The following PLPPR3 variants were observed in gnomAD, a reference collection of about 807,000 sequenced individuals.
PLPPR3 encodes phospholipid phosphatase related 3.
PLPPR3 carries 14 observed loss-of-function variants against 27.3 expected under a neutral mutation model. The ratio of observed to expected loss-of-function variants is 0.51; its 90% confidence interval spans 0.34 to 0.80. The LOEUF is 0.80. Among genes scored for constraint, PLPPR3 ranks in the 30% least tolerant of loss-of-function variants. The probability of loss-of-function intolerance (pLI) is 0.01; values close to 1 mark genes in which losing one functional copy is unlikely to be tolerated. For missense variants in PLPPR3, 1,287 were observed against 1,056.9 expected (o/e 1.22, Z -3.02); for synonymous variants, 671 against 508.0 (o/e 1.32, Z -4.32).
chr19:818,913 C>G (rs1317723013), intron 2 of PLPPR3, among the ~76,000 whole-genome samples: 1 of 151,132 alleles, frequency 6.6e-6, no homozygotes, highest in Non-Finnish European at 1.5e-5. Flanking sequence ...CCTGCCTCAG[C>G]CTCCCAAAGC....
chr19:821,345 C>T, intron 2 of PLPPR3, 140 bp downstream of exon 2: 2 of 579,334 alleles, frequency 3.5e-6, no homozygotes, highest in Non-Finnish European at 5.6e-6. Context: ...CACCCCCCAT[C>T]CGCCGGACAC....
intron 2 of PLPPR3, 22 bp from the exon 3 acceptor site, chr19:815,873 G>C: frequency 6.2e-7 from 1 of 1,608,764 alleles, no homozygotes. Context: ...AGGTGGGCCA[G>C]GTTCACCCTG....
intron 2 of PLPPR3, among the ~76,000 whole-genome samples, chr19:818,964 A>G (rs879712365): frequency 1.7e-5 from 1 of 58,944 alleles, no homozygotes; most frequent in East Asian, 4.4e-4. Flanking sequence ...CGGCCTTATT[A>G]TTATTATTTT....
Position 815,232 on chromosome 19 carries a change from G to A in PLPPR3, c.357C>T (p.Gly119=), listed in dbSNP as rs367862879. The change falls in exon 4 of 8, where the codon GGC becomes GGT. Residue 119 remains glycine, a synonymous_variant. Transcript: ENST00000520876. ...PAGAEGSINA[G]GCNFNSFLRR... ...GCAGGAAGGAGTTGAAGTTGCAGCC[G>A]CCGGCGTTGATGCTGCCCTCCGCCC... The A allele has an allele frequency of 1.1e-5, 17 of 1,591,670 alleles. No homozygotes were observed. Among genetic ancestry groups the A allele is most frequent in the East Asian group, 2.3e-5 (1 of 43,414 alleles).
At position 814,216 on chromosome 19, in the gene PLPPR3, C is replaced by G. The variant is rs371719241; in HGVS notation, c.831+218G>C. Among the ~76,000 whole-genome samples the G allele has an allele frequency of 4.7e-5, 7 of 150,350 alleles. No homozygotes were observed. The East Asian group carries it at 7.9e-4, about 17-fold the overall frequency. ...CCCTAGAGCCCCTGGGCACCCATGCCTCCCCCCTCAGACCCTCTGGGCCAG... is the reference window on the plus strand; with the variant it reads ...CCCTAGAGCCCCTGGGCACCCATGCGTCCCCCCTCAGACCCTCTGGGCCAG... On this transcript the variant is annotated intron_variant, in intron 7 of 7. Transcript: ENST00000520876.
intron 2 of PLPPR3, among the ~76,000 whole-genome samples, chr19:819,838 G>A (rs1402756125): frequency 6.6e-6 from 1 of 152,018 alleles, no homozygotes. Flanking sequence ...TGCAAGGATG[G>A]ATTAAAGTTA....
In PLPPR3 at chr19:812,902, CG is replaced by C; in HGVS notation, c.1824del (p.Gly609AlafsTer133). ...GGAPWEWKAAGGGAKAEADGG... is the reference protein window; with the variant it reads ...GGAPWEWKAAXGGAKAEADGG... ...CCGTCGGCCTCCGCCTTGGCCCCGC[CG>C]CCCGCCGCCTTCCACTCCCAGGGCG... On this transcript the variant is annotated frameshift_variant, in exon 8 of 8. Coordinates refer to ENST00000520876, the MANE Select transcript of PLPPR3 (RefSeq NM_001270366.2). LOFTEE classifies it low-confidence loss of function (END_TRUNC). 1 of 1,281,200 alleles carries C rather than the reference CG, an allele frequency of 7.8e-7. No homozygotes were observed. The highest frequency in any genetic ancestry group is 1.7e-5 in the South Asian group (1 of 60,110). 79.4% of individuals were successfully genotyped at this position (1,281,200 alleles called of 1,614,324 possible).
At position 814,804 on chromosome 19, in the gene PLPPR3, G is replaced by A. The variant is rs980606131; in HGVS notation, c.600-55C>T. ...CCACCTGGGGACCCCAGCTCCAGTG[G>A]CCTCTCTGTGTCTCTGTTTCCCCGC... is the stretch of plus-strand genomic sequence containing the variant. On this transcript the variant is annotated intron_variant, in intron 5 of 7. Transcript: ENST00000520876. The A allele has an allele frequency of 2.7e-5, 42 of 1,562,632 alleles. No homozygotes were observed. In the African/African-American group the frequency reaches 4.8e-4, roughly 18 times the overall value.
chr19:816,799 A>C (rs2035068924), intron 2 of PLPPR3, among the ~76,000 whole-genome samples: 1 of 115,752 alleles, frequency 8.6e-6, no homozygotes, highest in African/African-American at 4.0e-5. Context: ...CATGCACCCA[A>C]CAGTACCCAT....
At chr19:821,662 G>T in intron 1 of PLPPR3, 77 bp from the exon 2 acceptor site, 1 of 764,800 alleles carries the variant, frequency 1.3e-6, no homozygotes, top group Non-Finnish European at 1.9e-6. Flanking sequence ...GCGCCGGCGG[G>T]GGAGGGGCGG....
At position 812,817 on chromosome 19, in the gene PLPPR3, A is replaced by T. The variant is rs1410049490; in HGVS notation, c.1910T>A (p.Val637Glu). Residue 637 changes from valine to glutamate, a missense_variant, in exon 8 of 8, where the codon GTG becomes GAG. By Grantham distance (121) the Val-to-Glu change is moderately radical. Coordinates refer to ENST00000520876, the MANE Select transcript of PLPPR3 (RefSeq NM_001270366.2). ...GTCGCTGACCGACGAGCCGGGGGAC[A>T]CGCCCGGGGGCTTGGCCCCGCCGCG... is the stretch of plus-strand genomic sequence containing the variant. ...GFRGGAKPPG[V>E]SPGSSVSDVD... The T allele has an allele frequency of 4.5e-6, 5 of 1,100,000 alleles. No individual in the cohort carries two copies. Among genetic ancestry groups the T allele is most frequent in the Non-Finnish European group, 5.5e-6 (5 of 902,970 alleles). 68.1% of individuals were successfully genotyped at this position (1,100,000 alleles called of 1,614,324 possible). A position where few individuals can be genotyped will look rare whatever the true frequency, so the allele number is the denominator to read the frequency against.
rs894239891 is a variant in PLPPR3 at position 813,383 on chromosome 19, GTCCTCCTCCTCT to G, written c.1332_1343del (p.Glu444_Glu447del). On this transcript the variant is annotated inframe_deletion, in exon 8 of 8. Coordinates refer to ENST00000520876, the MANE Select transcript of PLPPR3 (RefSeq NM_001270366.2). This position sits in a 1 kb window ranked among gnomAD's most constrained non-coding sequence, Gnocchi z 4.1. Reference sequence around the variant, plus strand: ...CTTCCTCCTCCTCCTCTTCCTCTTCGTCCTCCTCCTCTTCCTCCTCCTCCGCCATGGGTTCGG... The same window carrying G: ...CTTCCTCCTCCTCCTCTTCCTCTTCGTCCTCCTCCTCCGCCATGGGTTCGG... 47 of 1,497,498 alleles carry G rather than the reference GTCCTCCTCCTCT, an allele frequency of 3.1e-5. No homozygotes were observed. Among genetic ancestry groups the G allele is most frequent in the Middle Eastern group, 2.1e-4 (1 of 4,746 alleles). 92.8% of individuals were successfully genotyped at this position (1,497,498 alleles called of 1,614,324 possible). A position where few individuals can be genotyped will look rare whatever the true frequency, so the allele number is the denominator to read the frequency against.
chr19:817,604 T>C (rs1041388761), intron 2 of PLPPR3, among the ~76,000 whole-genome samples: 9 of 152,284 alleles, frequency 5.9e-5, no homozygotes, highest in African/African-American at 1.7e-4. Flanking sequence ...TGCCTTGTTA[T>C]GGCATCTTAG....
At chr19:822,525 C>T (rs1338589105), upstream of PLPPR3, among the ~76,000 whole-genome samples, 1 of 152,150 alleles carries the variant, frequency 6.6e-6, no homozygotes, top group Non-Finnish European at 1.5e-5. Context: ...CCCTTCCCCC[C>T]GCACTCACCC....
rs1208247703 is a variant in PLPPR3 at position 813,701 on chromosome 19, C to T, written c.1026G>A (p.Glu342=). The T allele has an allele frequency of 2.6e-6, 4 of 1,529,028 alleles. No individual in the cohort carries two copies. Among genetic ancestry groups the T allele is most frequent in the Non-Finnish European group, 3.5e-6 (4 of 1,143,226 alleles). 94.7% of individuals were successfully genotyped at this position (1,529,028 alleles called of 1,614,324 possible). A position where few individuals can be genotyped will look rare whatever the true frequency, so the allele number is the denominator to read the frequency against. Residue 342 remains glutamate (E), a synonymous_variant, in exon 8 of 8, where the codon GAG becomes GAA. Transcript: ENST00000520876. This position sits in a 1 kb window ranked among gnomAD's most constrained non-coding sequence, Gnocchi z 4.1. ...LEGAPRPVAR[E]KTSLGSLKRA... ...GCTTCAGGCTGCCCAGCGAGGTCTTCTCGCGGGCCACGGGCCGGGGCGCGC... is the reference window on the plus strand; with the variant it reads ...GCTTCAGGCTGCCCAGCGAGGTCTTTTCGCGGGCCACGGGCCGGGGCGCGC...
At position 820,307 on chromosome 19, in the gene PLPPR3, C is replaced by A. The variant is rs151295272; in HGVS notation, c.75+1178G>T. 5.4e-3 allele frequency among the ~76,000 whole-genome samples: 828 copies of A among 152,168 alleles called. 9 individuals are homozygous for A. The highest frequency in any genetic ancestry group is 0.019 in the African/African-American group (768 of 41,510). ...CAAGCAATCCTCCCACCTCGGCCTC[C>A]TAAGTAGCTGAGAATAAAGGCACGC... is the stretch of plus-strand genomic sequence containing the variant. On this transcript the variant is annotated intron_variant, in intron 2 of 7. Transcript: ENST00000520876.
chr19:819,898 G>A (rs1274572548), intron 2 of PLPPR3, among the ~76,000 whole-genome samples: 3 of 152,206 alleles, frequency 2.0e-5, no homozygotes, highest in African/African-American at 7.2e-5. Flanking sequence ...CTGAAGTGCA[G>A]TGGTGTGATC....
chr19:814,979 T>C lies in PLPPR3; in HGVS notation c.506A>G (p.Asn169Ser), dbSNP rs368915283. The part of the protein sequence containing the change: ...TPFFLTVCKP[N>S]YTLLGTSCEV... Reference sequence around the variant, plus strand: ...GCAGGACGTGCCCAGGAGAGTGTAGTTGGGCTTGCAGACGGTGAGGAAGAA... The same window carrying C: ...GCAGGACGTGCCCAGGAGAGTGTAGCTGGGCTTGCAGACGGTGAGGAAGAA... The change falls in exon 5 of 8, where the codon AAC becomes AGC. Residue 169 changes from asparagine to serine, a missense_variant. Physicochemically the swap from Asn to Ser is conservative, Grantham distance 46. Coordinates refer to ENST00000520876, the MANE Select transcript of PLPPR3 (RefSeq NM_001270366.2). The C allele has an allele frequency of 3.1e-6, 5 of 1,612,356 alleles. No homozygotes were observed. The highest frequency in any genetic ancestry group is 1.1e-5 in the South Asian group (1 of 91,076).
chr19:818,746 G>C (rs899712989), intron 2 of PLPPR3, among the ~76,000 whole-genome samples: 1 of 151,990 alleles, frequency 6.6e-6, no homozygotes, highest in Admixed American at 6.6e-5. Context: ...TGTTAGCCAG[G>C]ATGGTCTCGA....
Sources: allele counts gnomAD v4.1 joint callset (sites outside exome capture counted in the v4.1 genomes callset), GRCh38; gene constraint gnomAD v4.1.1; non-coding constraint Gnocchi (gnomAD v3.1); transcripts MANE v1.5; gene names NCBI Gene and HGNC (gene_info 2026-07-23, HGNC 2026-07-21).